The following COMMD10 variants were observed in gnomAD, a reference collection of about 807,000 sequenced individuals.
The protein encoded by COMMD10 is COMM domain containing 10.
COMMD10 carries 33 observed loss-of-function variants against 28.9 expected under a neutral mutation model. The ratio of observed to expected loss-of-function variants is 1.14; its 90% CI spans 0.87 to 1.53. The LOEUF is 1.53. Among genes scored for constraint, COMMD10 ranks in the 40% most tolerant of loss-of-function variants. The pLI is 0.00. For missense variants in COMMD10, 310 were observed against 233.4 expected (o/e 1.33, Z -2.14); for synonymous variants, 110 against 81.7 (o/e 1.35, Z -1.87).
At chr5:116,189,933 C>T (rs1032925163) in intron 5 of COMMD10, among the ~76,000 whole-genome samples, 2 of 152,106 alleles carry the variant, frequency 1.3e-5, no homozygotes, top group African/African-American at 4.8e-5. Context: ...TTCTGAAAAA[C>T]CTCCCTTCAT....
intron 5 of COMMD10, among the ~76,000 whole-genome samples, chr5:116,262,506 T>C (rs938832672): frequency 2.6e-5 from 4 of 151,786 alleles, no homozygotes; most frequent in Non-Finnish European, 4.4e-5. Flanking sequence ...CATTTCATCA[T>C]TAACCATTAA....
At position 116,238,794 on chromosome 5, in the gene COMMD10, GAGAC is replaced by G. The variant is rs144181948; in HGVS notation, c.511-52722_511-52719del. On this transcript the variant is annotated intron_variant, in intron 5 of 6. Transcript: ENST00000274458. ...AGCACAGAACCAGGTTTGTGAGGGAGAGACTGGGCTTTGACATAGTACCACTGGA... is the reference window on the plus strand; with the variant it reads ...AGCACAGAACCAGGTTTGTGAGGGAGTGGGCTTTGACATAGTACCACTGGA... Among the ~76,000 whole-genome samples the G allele has an allele frequency of 7.6e-3, 1,151 of 152,308 alleles. 23 individuals carry two copies. The highest frequency in any genetic ancestry group is 0.027 in the African/African-American group (1,108 of 41,572).
intron 5 of COMMD10, among the ~76,000 whole-genome samples, chr5:116,210,001 C>A (rs1748917639): frequency 6.6e-6 from 1 of 152,134 alleles, no homozygotes; most frequent in African/African-American, 2.4e-5. Context: ...CTGGTAAGGG[C>A]CTTCTTGCTG....
intron 5 of COMMD10, among the ~76,000 whole-genome samples, chr5:116,143,012 G>A (rs1460509182): frequency 2.8e-5 from 4 of 143,512 alleles, no homozygotes; most frequent in African/African-American, 7.7e-5. Context: ...AAGGTTTTAC[G>A]TTTTCTAAAT....
chr5:116,170,288 G>T (rs1580515493), intron 5 of COMMD10, among the ~76,000 whole-genome samples: 1 of 152,310 alleles, frequency 6.6e-6, no homozygotes. Context: ...CAAGGGATGT[G>T]AAAGACCTCT....
At chr5:116,212,360 A>G (rs1748987925) in intron 5 of COMMD10, among the ~76,000 whole-genome samples, 1 of 152,122 alleles carries the variant, frequency 6.6e-6, no homozygotes, top group Non-Finnish European at 1.5e-5. Flanking sequence ...AGAAGTAAAT[A>G]TATCTACATA....
At chr5:116,128,511 T>G (rs941708762) in intron 4 of COMMD10, among the ~76,000 whole-genome samples, 1 of 143,444 alleles carries the variant, frequency 7.0e-6, no homozygotes, top group Non-Finnish European at 1.6e-5. Flanking sequence ...TTATTTTAAA[T>G]AGAAGCAAAT....
chr5:116,116,672 C>T (rs1751242177), intron 4 of COMMD10, among the ~76,000 whole-genome samples: 4 of 150,288 alleles, frequency 2.7e-5, no homozygotes, highest in Admixed American at 2.7e-4. Context: ...TCTACCTTTA[C>T]TGAAATGTTT....
At chr5:116,229,967 C>T (rs1051158723) in intron 5 of COMMD10, among the ~76,000 whole-genome samples, 1 of 151,352 alleles carries the variant, frequency 6.6e-6, no homozygotes, top group South Asian at 2.1e-4. Flanking sequence ...TGAGCCCCCC[C>T]AAAAAAAAAT....
rs550879389 is a variant in COMMD10, at chr5:116,128,468, A to G, written c.400-5600A>G. 8.5e-5 allele frequency among the ~76,000 whole-genome samples: 13 copies of G among 152,212 alleles called. 1 individual carries two copies. Among genetic ancestry groups the G allele is most frequent in the East Asian group, 1.9e-4 (1 of 5,184 alleles). The stretch of plus-strand genomic sequence containing the variant: ...GAAATAATAAAGAAATTACATTAAT[A>G]TAATTCATTGATATGATGTACACAG... On this transcript the variant is annotated intron_variant, in intron 4 of 6. Transcript: ENST00000274458.
At chr5:116,174,646 G>A (rs1753442120) in intron 5 of COMMD10, among the ~76,000 whole-genome samples, 1 of 152,096 alleles carries the variant, frequency 6.6e-6, no homozygotes, top group Non-Finnish European at 1.5e-5. Flanking sequence ...GGATTTGTTG[G>A]TTAGATACAA....
At chr5:116,238,047 A>G (rs539852751) in intron 5 of COMMD10, among the ~76,000 whole-genome samples, 1 of 152,324 alleles carries the variant, frequency 6.6e-6, no homozygotes, top group South Asian at 2.1e-4. Flanking sequence ...GGAAATCAAT[A>G]TGGCTCATGT....
chr5:116,218,860 T>G (rs1749171634), intron 5 of COMMD10, among the ~76,000 whole-genome samples: 1 of 152,130 alleles, frequency 6.6e-6, no homozygotes, highest in African/African-American at 2.4e-5. Flanking sequence ...TACCCCCATA[T>G]TAATATTTTT....
At chr5:116,135,681 A>G (rs1580477447) in intron 5 of COMMD10, among the ~76,000 whole-genome samples, 1 of 152,138 alleles carries the variant, frequency 6.6e-6, no homozygotes, top group Non-Finnish European at 1.5e-5. Context: ...CTATTTTATT[A>G]TTATTGTTGT....
intron 5 of COMMD10, among the ~76,000 whole-genome samples, chr5:116,243,653 A>G (rs937462579): frequency 3.3e-5 from 5 of 152,156 alleles, no homozygotes; most frequent in Admixed American, 3.3e-4. Flanking sequence ...ATTTATTAAC[A>G]AGATATCCCT....
chr5:116,255,244 C>G (rs1268089271), intron 5 of COMMD10, among the ~76,000 whole-genome samples: 3 of 151,738 alleles, frequency 2.0e-5, no homozygotes, highest in Non-Finnish European at 2.9e-5. Flanking sequence ...GGTCTTGACT[C>G]TTTATCCAAT....
chr5:116,087,611 C>G (rs1750150040), intron 2 of COMMD10, 24 bp downstream of exon 2: 1 of 1,429,894 alleles, frequency 7.0e-7, no homozygotes, highest in African/African-American at 1.4e-5. Context: ...TGTTTCCATG[C>G]CTTGTAATCT....
intron 5 of COMMD10, among the ~76,000 whole-genome samples, chr5:116,205,637 T>C (rs1748791898): frequency 6.6e-6 from 1 of 152,154 alleles, no homozygotes; most frequent in Non-Finnish European, 1.5e-5. Context: ...TGTTTTTGTG[T>C]GTATATGTTT....
At chr5:116,133,628 G>T (rs752149353) in intron 4 of COMMD10, among the ~76,000 whole-genome samples, 1 of 152,094 alleles carries the variant, frequency 6.6e-6, no homozygotes, top group African/African-American at 2.4e-5. Context: ...TAGTACCTAC[G>T]CAAAGATTTT....
Sources: gnomAD v4.1 joint callset for allele counts (sites outside exome capture counted in the v4.1 genomes callset) on GRCh38, gnomAD v4.1.1 for gene constraint, MANE v1.5 for transcripts, NCBI Gene and HGNC (gene_info 2026-07-23, HGNC 2026-07-21) for gene names.